The following ARHGAP26 variants were observed in gnomAD, a reference collection of about 807,000 sequenced individuals.
The protein encoded by ARHGAP26 is rho GTPase-activating protein 26.
A neutral mutation model predicts 104.8 loss-of-function variants in ARHGAP26; 38 were observed. That is an observed-to-expected ratio of 0.36 (90% CI 0.28 to 0.48). The LOEUF (loss-of-function observed/expected upper bound fraction) is 0.48, where lower values mean the gene tolerates loss of function less well. Among genes scored for constraint, ARHGAP26 ranks in the 20% least tolerant of loss-of-function variants. The pLI is 0.99. For synonymous variants in ARHGAP26, 341 were observed against 340.0 expected (o/e 1.00, Z -0.03); for missense variants, 704 against 947.9 (o/e 0.74, Z 3.38).
intron 17 of ARHGAP26, among the ~76,000 whole-genome samples, chr5:143,102,925 G>A (rs1478024926): frequency 6.6e-6 from 1 of 152,078 alleles, no homozygotes; most frequent in Non-Finnish European, 1.5e-5. Flanking sequence ...TTTGGTCTCT[G>A]TGGTAGCCAC....
intron 20 of ARHGAP26, among the ~76,000 whole-genome samples, chr5:143,179,225 C>T (rs1803949606): frequency 6.6e-6 from 1 of 152,126 alleles, no homozygotes; most frequent in Non-Finnish European, 1.5e-5. Flanking sequence ...ACCAGCTTTC[C>T]CCCACTGGAC....
At chr5:142,870,786 A>G (rs1482885816) in intron 1 of ARHGAP26, among the ~76,000 whole-genome samples, 1 of 151,962 alleles carries the variant, frequency 6.6e-6, no homozygotes, top group Non-Finnish European at 1.5e-5. Context: ...TCTATGTTGG[A>G]GCTGGAACTT....
chr5:143,127,620 G>A (rs747134965), intron 18 of ARHGAP26, among the ~76,000 whole-genome samples: 10 of 152,106 alleles, frequency 6.6e-5, no homozygotes, highest in South Asian at 4.1e-4. Context: ...AAGCAACCTC[G>A]CATTCCCAAT....
intron 14 of ARHGAP26, among the ~76,000 whole-genome samples, chr5:143,047,759 A>G (rs892667029): frequency 1.3e-5 from 2 of 151,828 alleles, no homozygotes; most frequent in Non-Finnish European, 2.9e-5. Flanking sequence ...TGAATTGCCT[A>G]TTTGTATTCT....
chr5:142,969,006 A>G (rs542462205), intron 11 of ARHGAP26, among the ~76,000 whole-genome samples: 29 of 152,342 alleles, frequency 1.9e-4, no homozygotes, highest in African/African-American at 6.5e-4. Context: ...CTCATGGCTC[A>G]TTGTAGCCTT....
intron 1 of ARHGAP26, 51 bp from the exon 2 acceptor site, chr5:142,873,349 A>G: frequency 7.0e-7 from 1 of 1,434,176 alleles, no homozygotes; most frequent in Non-Finnish European, 9.7e-7. Flanking sequence ...CAAATCAGAA[A>G]GCCAGTTTAA....
chr5:142,896,782 C>T (rs1759538649), intron 6 of ARHGAP26, among the ~76,000 whole-genome samples: 1 of 152,142 alleles, frequency 6.6e-6, no homozygotes, highest in Non-Finnish European at 1.5e-5. Flanking sequence ...GCTGTGTGTT[C>T]TTGGGCAAGT....
chr5:142,777,607 A>AT (rs1254604755), intron 1 of ARHGAP26, among the ~76,000 whole-genome samples: 3 of 152,152 alleles, frequency 2.0e-5, no homozygotes, highest in Admixed American at 1.3e-4. Flanking sequence ...CAAATTATAT[A>AT]TTTTTTGCCA....
At chr5:143,209,897 G>GTA (rs755528204) in intron 21 of ARHGAP26, among the ~76,000 whole-genome samples, 2 of 152,154 alleles carry the variant, frequency 1.3e-5, no homozygotes, top group Non-Finnish European at 2.9e-5. Context: ...GCCGAAACCT[G>GTA]TACACTGTAG....
At position 142,871,380 on chromosome 5, in the gene ARHGAP26, A is replaced by G. The variant is rs1413732370; in HGVS notation, c.155-2020A>G. ...CAGGTGTGTGCTGGGAGCTTTCCCG[A>G]GCCTGGCTTGCATTTCACCTGTTTC... On this transcript the variant is annotated intron_variant, in intron 1 of 22. Transcript: ENST00000645722. This position sits in a 1 kb window ranked among gnomAD's most constrained non-coding sequence, Gnocchi z 4.1. Among the ~76,000 whole-genome samples, 2 of 152,142 alleles carry G rather than the reference A, an allele frequency of 1.3e-5. No individual in the cohort carries two copies.
At chr5:143,181,903 T>A (rs1430281701) in intron 20 of ARHGAP26, among the ~76,000 whole-genome samples, 1 of 152,206 alleles carries the variant, frequency 6.6e-6, no homozygotes, top group Admixed American at 6.5e-5. Flanking sequence ...TTTCTCATGG[T>A]CTACATGGTC....
At chr5:142,917,290 C>T (rs940176089) in intron 10 of ARHGAP26, among the ~76,000 whole-genome samples, 4 of 152,130 alleles carry the variant, frequency 2.6e-5, no homozygotes, top group South Asian at 2.1e-4. Context: ...CCACCTGCCT[C>T]GGCCTCTCAA....
intron 1 of ARHGAP26, among the ~76,000 whole-genome samples, chr5:142,785,759 C>T (rs1265346626): frequency 1.3e-5 from 2 of 152,224 alleles, no homozygotes. Flanking sequence ...TTCTTCTTCA[C>T]TAGCAACCTT....
At chr5:143,212,280 C>A (rs1396738719) in intron 21 of ARHGAP26, among the ~76,000 whole-genome samples, 2 of 150,986 alleles carry the variant, frequency 1.3e-5, no homozygotes, top group Non-Finnish European at 2.9e-5. Flanking sequence ...ATTTGCCTGT[C>A]AGTATAGTCT....
At chr5:142,963,132 C>T (rs1457889608) in intron 11 of ARHGAP26, among the ~76,000 whole-genome samples, 1 of 145,180 alleles carries the variant, frequency 6.9e-6, no homozygotes, top group Non-Finnish European at 1.5e-5. Context: ...GGCATAATCT[C>T]ATTCTTTTTT....
chr5:143,000,984 T>C (rs1459939586), intron 11 of ARHGAP26, among the ~76,000 whole-genome samples: 1 of 151,978 alleles, frequency 6.6e-6, no homozygotes, highest in African/African-American at 2.4e-5. Context: ...ACATGGCACA[T>C]GTATACCTAT....
In ARHGAP26 at chr5:142,841,925, T is replaced by C. The variant is rs558175717; in HGVS notation, c.155-31475T>C. Among the ~76,000 whole-genome samples the C allele has an allele frequency of 3.3e-5, 5 of 152,354 alleles. No homozygotes were observed. In the East Asian group the frequency reaches 7.7e-4, roughly 23 times the overall value. On this transcript the variant is annotated intron_variant, in intron 1 of 22. Coordinates refer to ENST00000645722, the MANE Select transcript of ARHGAP26 (RefSeq NM_001135608.3). Reference sequence around the variant, plus strand: ...CTCTCCCCACCTCTCTTGTGAGCTCTGCTCTTGGTTTAGGGGTTCATAGAC... The same window carrying C: ...CTCTCCCCACCTCTCTTGTGAGCTCCGCTCTTGGTTTAGGGGTTCATAGAC...
At chr5:143,065,699 G>A (rs990751901) in intron 17 of ARHGAP26, among the ~76,000 whole-genome samples, 7 of 152,130 alleles carry the variant, frequency 4.6e-5, no homozygotes, top group Non-Finnish European at 7.4e-5. Context: ...TGTGGGCTCC[G>A]CTGCCCTTCC....
intron 20 of ARHGAP26, chr5:143,203,181 A>G (rs1381982971): frequency 6.6e-6 from 1 of 152,142 alleles, no homozygotes; most frequent in Non-Finnish European, 1.5e-5. Context: ...TATCTGACAA[A>G]GGGCTAATAT....
Sources: gnomAD v4.1 joint callset for allele counts (sites outside exome capture counted in the v4.1 genomes callset) on GRCh38, gnomAD v4.1.1 for gene constraint, Gnocchi (gnomAD v3.1) non-coding constraint, MANE v1.5 for transcripts, NCBI Gene and HGNC (gene_info 2026-07-23, HGNC 2026-07-21) for gene names.